COBLL1: variants seen among roughly 807,000 people sequenced by gnomAD.
The protein encoded by COBLL1 is cordon-bleu WH2 repeat protein like 1, also known as cordon-bleu protein-like 1.
COBLL1 carries 50 observed loss-of-function variants against 94.8 expected under a neutral mutation model. The observed-to-expected ratio is 0.53, with a 90% CI of 0.42 to 0.67. The LOEUF is 0.67. Ranked by LOEUF, COBLL1 falls within the 30% of genes least tolerant of loss-of-function variation. COBLL1 has a pLI of 0.00. For synonymous variants in COBLL1, 448 were observed against 473.8 expected, an observed-to-expected ratio of 0.95 and a Z score of 0.71; for missense variants, 1,362 against 1,348.7, an observed-to-expected ratio of 1.01 and a Z score of -0.15.
intron 2 of COBLL1, among the ~76,000 whole-genome samples, chr2:164,798,346 TTGCCAAGGC>T (rs1362136602): frequency 6.6e-6 from 1 of 152,210 alleles, no homozygotes; most frequent in East Asian, 1.9e-4. Context: ...TCCCTAGAGT[TTGCCAAGGC>T]TGCCAGCAGA....
intron 1 of COBLL1, among the ~76,000 whole-genome samples, chr2:164,667,141 C>T (rs1310251764): frequency 6.6e-6 from 1 of 151,744 alleles, no homozygotes; most frequent in African/African-American, 2.4e-5. Context: ...CAACAGAGGT[C>T]CTGGGTGACT....
intron 2 of COBLL1, among the ~76,000 whole-genome samples, chr2:164,770,819 A>G (rs1457299070): frequency 6.6e-6 from 1 of 152,146 alleles, no homozygotes; most frequent in Non-Finnish European, 1.5e-5. Flanking sequence ...TTTGTTCAAA[A>G]ATAGCCTTTG....
At chr2:164,665,254 C>G (rs907935531) in intron 2 of COBLL1, among the ~76,000 whole-genome samples, 2 of 150,740 alleles carry the variant, frequency 1.3e-5, no homozygotes, top group African/African-American at 4.9e-5. Context: ...TCATTTGAAC[C>G]CAGGGACAGA....
At chr2:164,702,954 C>T (rs1338900509) in intron 9 of COBLL1, 2 of 617,890 alleles carry the variant, frequency 3.2e-6, no homozygotes, top group Non-Finnish European at 5.8e-6. Context: ...AACTCTACAC[C>T]CAGATAAAAT....
intron 2 of COBLL1, among the ~76,000 whole-genome samples, chr2:164,808,882 C>T (rs1218030489): frequency 1.3e-5 from 2 of 152,080 alleles, no homozygotes; most frequent in African/African-American, 4.8e-5. Flanking sequence ...TGGTATGTTG[C>T]CCCACTCACA....
intron 7 of COBLL1, among the ~76,000 whole-genome samples, chr2:164,713,803 A>ATTTTGTT (rs1209521602): frequency 5.3e-5 from 8 of 152,162 alleles, no homozygotes; most frequent in Non-Finnish European, 1.0e-4. Flanking sequence ...ATTGTACTTT[A>ATTTTGTT]AGTTTCTGAA....
rs181689343 is a variant in COBLL1, at chr2:164,776,333, C to T, written c.42-32458G>A. On this transcript the variant is annotated intron_variant, in intron 2 of 13. Transcript: ENST00000652658. ...CAGTGCTATCTAGTTCTCATGGCCCCTTCATCAACCCACTTTGTTCCAGCA... is the reference window on the plus strand; with the variant it reads ...CAGTGCTATCTAGTTCTCATGGCCCTTTCATCAACCCACTTTGTTCCAGCA... 2.8e-3 allele frequency among the ~76,000 whole-genome samples: 414 copies of T among 150,278 alleles called. 1 individual carries two copies. The highest frequency in any genetic ancestry group is 9.7e-3 in the African/African-American group (400 of 41,390).
chr2:164,734,217 A>C (rs1328355043), intron 3 of COBLL1, among the ~76,000 whole-genome samples: 1 of 81,856 alleles, frequency 1.2e-5, no homozygotes, highest in African/African-American at 5.8e-5. Context: ...ATGCTCTGAC[A>C]AAAAAAAAAA....
intron 1 of COBLL1, among the ~76,000 whole-genome samples, chr2:164,666,500 T>C (rs1691160919): frequency 6.6e-6 from 1 of 152,190 alleles, no homozygotes; most frequent in South Asian, 2.1e-4. Flanking sequence ...GTTCTGGTAA[T>C]TTCTTAAAAT....
rs549555834 is a variant in COBLL1, at chr2:164,686,021, T to C, written c.3312A>G (p.Pro1104=). 2.0e-5 allele frequency: 32 copies of C among 1,594,630 alleles called. No homozygotes were observed. The Middle Eastern group carries it at 1.2e-3, about 58-fold the overall frequency. ...TTCCATTCACAGATATTGTATTTGA[T>C]GGAATGGTAACCTAAGAGAAAGAAA... ...AAAKLKRVTI[P]SNTISVNGRS... is the part of the protein sequence containing the mutation. The change falls in exon 14 of 14, where the codon CCA becomes CCG. Residue 1104 remains proline (P), a synonymous_variant. Transcript: ENST00000652658.
chr2:164,818,121 T>G (rs1052186403), intron 2 of COBLL1, among the ~76,000 whole-genome samples: 3 of 151,506 alleles, frequency 2.0e-5, no homozygotes, highest in Admixed American at 6.6e-5. Context: ...CACGTGTGCA[T>G]GTACATATAT....
intron 2 of COBLL1, among the ~76,000 whole-genome samples, chr2:164,662,748 A>G (rs747989446): frequency 7.9e-5 from 12 of 152,064 alleles, no homozygotes; most frequent in Admixed American, 7.9e-4. Flanking sequence ...CTGGTTGACT[A>G]AAAGTGTGTG....
intron 2 of COBLL1, among the ~76,000 whole-genome samples, chr2:164,828,797 C>T (rs1049869036): frequency 2.0e-5 from 3 of 152,128 alleles, no homozygotes; most frequent in African/African-American, 4.8e-5. Flanking sequence ...TTTTGAAAGA[C>T]TTAGAATCAT....
At chr2:164,808,318 G>C (rs1684297519) in intron 2 of COBLL1, among the ~76,000 whole-genome samples, 1 of 151,970 alleles carries the variant, frequency 6.6e-6, no homozygotes, top group African/African-American at 2.4e-5. Flanking sequence ...GTTTTTGCTG[G>C]ATTATACAAT....
At chr2:164,675,891 T>C (rs1227293701), downstream of COBLL1, among the ~76,000 whole-genome samples, 2 of 152,170 alleles carry the variant, frequency 1.3e-5, no homozygotes, top group African/African-American at 4.8e-5. Context: ...CCAGTACTGC[T>C]GTGGTTATAT....
In COBLL1 at chr2:164,695,279, G is replaced by A; in HGVS notation, c.2113C>T (p.Pro705Ser). ...NSTASYLKNY[P>S]LYRQDYNPKP... ...GGATTGTAGTCCTGTCTATAAAGTG[G>A]GTAATTCTTTAGGTAAGAAGCAGTG... Residue 705 changes from proline to serine, a missense_variant, in exon 12 of 14, where the codon CCA (proline) becomes TCA (serine). Physicochemically the swap from Pro to Ser is moderately conservative, Grantham distance 74. Coordinates refer to ENST00000652658, the MANE Select transcript of COBLL1 (RefSeq NM_001365672.2). 1 of 1,613,796 alleles carries A rather than the reference G, an allele frequency of 6.2e-7. No individual in the cohort carries two copies. The highest frequency in any genetic ancestry group is 8.5e-7 in the Non-Finnish European group (1 of 1,179,920).
intron 4 of COBLL1, 55 bp from the exon 5 acceptor site, chr2:164,728,252 T>C: frequency 1.9e-6 from 2 of 1,069,162 alleles, no homozygotes; most frequent in Admixed American, 3.6e-5. Flanking sequence ...ACAAACACTC[T>C]ACAATAATGT....
chr2:164,692,112 C>T (rs766276429), intron 13 of COBLL1, 109 bp downstream of exon 13: 167 of 943,898 alleles, frequency 1.8e-4, no homozygotes, highest in Non-Finnish European at 2.5e-4. Context: ...AGAAGAGTAA[C>T]TTTGGGAACC....
Position 164,828,092 on chromosome 2 carries a change from A to G in COBLL1, c.41+13064T>C, listed in dbSNP as rs752927293. The stretch of plus-strand genomic sequence containing the variant: ...TGTCTTAATAACAATTCGTTGGTTA[A>G]TGGCTATAAAAATGAATATTAATTA... On this transcript the variant is annotated intron_variant, in intron 2 of 13. Coordinates refer to ENST00000652658, the MANE Select transcript of COBLL1 (RefSeq NM_001365672.2). Among the ~76,000 whole-genome samples, 71 of 152,298 alleles carry G rather than the reference A, an allele frequency of 4.7e-4. No homozygotes were observed. In the Middle Eastern group the frequency reaches 0.01, roughly 22 times the overall value.
Sources: allele counts gnomAD v4.1 joint callset (sites outside exome capture counted in the v4.1 genomes callset), GRCh38; gene constraint gnomAD v4.1.1; transcripts MANE v1.5; gene names NCBI Gene and HGNC (gene_info 2026-07-23, HGNC 2026-07-21).